Variants in EXOSC7 observed in about 807,000 individuals in gnomAD.
EXOSC7 encodes exosome complex component RRP42.
Under a neutral mutation model 34.3 loss-of-function variants are expected in EXOSC7, and 25 were observed. That is an observed-to-expected ratio of 0.73 (90% confidence interval 0.53 to 1.02). The LOEUF (loss-of-function observed/expected upper bound fraction) is 1.02. Ranked by LOEUF, EXOSC7 falls within the 50% of genes least tolerant of loss-of-function variation. The pLI, the probability that EXOSC7 is intolerant of heterozygous loss-of-function variation, is 0.00. For synonymous variants in EXOSC7, 130 were observed against 143.0 expected, an observed-to-expected ratio of 0.91 and a Z score of 0.65; for missense variants, 370 against 368.5, an observed-to-expected ratio of 1.00 and a Z score of -0.03.
At position 45,001,544 on chromosome 3, in the gene EXOSC7, G is replaced by A; in HGVS notation, c.427G>A (p.Glu143Lys). 5 of 1,612,936 alleles carry A rather than the reference G, an allele frequency of 3.1e-6. No individual in the cohort carries two copies. Among genetic ancestry groups the A allele is most frequent in the Non-Finnish European group, 4.2e-6 (5 of 1,178,986 alleles). ...CAATTCCTGTCTCCCTTAGCTTCTG[G>A]AATGTGGTGGAAATTTGTTTGATGC... ...WVLYVDVLLL[E>K]CGGNLFDAIS... The change falls in exon 5 of 8, where the codon GAA becomes AAA. Residue 143 changes from glutamate (E) to lysine (K), a missense_variant. Glu to Lys is a moderately conservative substitution (Grantham distance 56). Transcript: ENST00000265564.
At chr3:44,993,223 A>C (rs1293346163) in intron 3 of EXOSC7, among the ~76,000 whole-genome samples, 1 of 152,146 alleles carries the variant, frequency 6.6e-6, no homozygotes, top group African/African-American at 2.4e-5. Flanking sequence ...ACCTCAGAAT[A>C]TACTTACTAT....
intron 7 of EXOSC7, among the ~76,000 whole-genome samples, chr3:45,007,821 C>T (rs912627042): frequency 6.6e-6 from 1 of 152,118 alleles, no homozygotes; most frequent in Non-Finnish European, 1.5e-5. Flanking sequence ...TAAGTACCCC[C>T]CATCTCATTT....
At position 45,011,369 on chromosome 3, in the gene EXOSC7, G is replaced by T. The variant is rs759970050; in HGVS notation, c.*30G>T. The T allele has an allele frequency of 1.4e-6, 2 of 1,398,056 alleles. No homozygotes were observed. The highest frequency in any genetic ancestry group is 1.5e-5 in the African/African-American group (1 of 68,504). The allele number at this position is 1,398,056 out of a possible 1,614,324, so 86.6% of individuals were successfully genotyped here. On this transcript the variant is annotated 3_prime_UTR_variant, in exon 8 of 8. Coordinates refer to ENST00000265564, the MANE Select transcript of EXOSC7 (RefSeq NM_015004.4). ...CACATCAACTGCTCAACTGTGGATT[G>T]TTTTTTACTTTTCCTTTTAAACCGG...
intron 1 of EXOSC7, among the ~76,000 whole-genome samples, chr3:44,985,855 G>A (rs1026062299): frequency 2.6e-5 from 4 of 152,088 alleles, no homozygotes; most frequent in East Asian, 3.9e-4. Context: ...TGATTGGTGC[G>A]TTTACAATCC....
intron 4 of EXOSC7, among the ~76,000 whole-genome samples, chr3:44,997,848 C>A (rs956421434): frequency 1.3e-5 from 2 of 152,124 alleles, no homozygotes; most frequent in African/African-American, 4.8e-5. Flanking sequence ...ACGTGCCTGC[C>A]TTTAGTTTCC....
Position 45,002,800 on chromosome 3 carries a change from C to A in EXOSC7, c.491+1192C>A, listed in dbSNP as rs566067899. ...ATGAAAGCTGTAGAGTCCCCCACCC[C>A]TAGCTGTGCCACTAGGCTCCTTGTT... On this transcript the variant is annotated intron_variant, in intron 5 of 7. Transcript: ENST00000265564. 1.7e-4 allele frequency among the ~76,000 whole-genome samples: 26 copies of A among 152,308 alleles called. No individual in the cohort carries two copies. The South Asian group carries it at 5.0e-3, about 29-fold the overall frequency.
In EXOSC7 at chr3:45,011,240, C is replaced by A; in HGVS notation, c.777C>A (p.Gly259=). Residue 259 remains glycine, a synonymous_variant, in exon 8 of 8, where the codon GGC becomes GGA. Transcript: ENST00000265564. ...CTCCCGTCCCTTCTCCACAGACTGG[C>A]AAGCGTGTGGGCAAGGTACTGCATG... ...PESIFEMMET[G]KRVGKVLHAS... is the part of the protein sequence containing the mutation. 1 of 1,609,076 alleles carries A rather than the reference C, an allele frequency of 6.2e-7. No homozygotes were observed. Among genetic ancestry groups the A allele is most frequent in the East Asian group, 2.2e-5 (1 of 44,584 alleles).
At chr3:44,995,274 C>CCAT (rs1372691164) in intron 3 of EXOSC7, among the ~76,000 whole-genome samples, 2 of 152,166 alleles carry the variant, frequency 1.3e-5, no homozygotes, top group Non-Finnish European at 2.9e-5. Flanking sequence ...TGAGCCACCA[C>CCAT]GCCTGGCCAG....
At chr3:45,003,342 C>CGT (rs1706936029) in intron 5 of EXOSC7, among the ~76,000 whole-genome samples, 1 of 80,280 alleles carries the variant, frequency 1.2e-5, no homozygotes, top group South Asian at 7.6e-4. Context: ...TGCGTGCGTG[C>CGT]GTGCGTGCGT....
At chr3:44,996,892 C>T (rs1706735846) in intron 3 of EXOSC7, among the ~76,000 whole-genome samples, 195 bp from the exon 4 acceptor site, 1 of 152,232 alleles carries the variant, frequency 6.6e-6, no homozygotes, top group African/African-American at 2.4e-5. Flanking sequence ...ATCCAGGTCA[C>T]AGTGCTGGTC....
intron 2 of EXOSC7, 141 bp downstream of exon 2, chr3:44,989,382 G>T: frequency 1.2e-6 from 1 of 823,218 alleles, no homozygotes; most frequent in Non-Finnish European, 2.0e-6. Context: ...GGGAGGGGGG[G>T]TCTATCCAGA....
At position 44,986,594 on chromosome 3, in the gene EXOSC7, G is replaced by A. The variant is rs185056142; in HGVS notation, c.58-2546G>A. Among the ~76,000 whole-genome samples the A allele has an allele frequency of 2.4e-4, 37 of 152,352 alleles. No homozygotes were observed. In the East Asian group the frequency reaches 5.8e-3, roughly 24 times the overall value. On this transcript the variant is annotated intron_variant, in intron 1 of 7. Coordinates refer to ENST00000265564, the MANE Select transcript of EXOSC7 (RefSeq NM_015004.4). ...CTCCTCAAGTGCTGCCAAAGTGGGA[G>A]CCCAGGCAGAGGAGGTGCCGAGAGC...
chr3:44,996,247 A>G (rs1278560500), intron 3 of EXOSC7, among the ~76,000 whole-genome samples: 3 of 152,062 alleles, frequency 2.0e-5, no homozygotes, highest in Admixed American at 1.3e-4. Context: ...TAAAATAATT[A>G]CTAGAATGTT....
chr3:44,988,181 T>C (rs1182528463), intron 1 of EXOSC7, among the ~76,000 whole-genome samples: 1 of 152,184 alleles, frequency 6.6e-6, no homozygotes, highest in Non-Finnish European at 1.5e-5. Flanking sequence ...AGAGGATAGA[T>C]ATCTTGTGTT....
At chr3:44,996,125 G>A (rs1430944584) in intron 3 of EXOSC7, among the ~76,000 whole-genome samples, 2 of 152,218 alleles carry the variant, frequency 1.3e-5, no homozygotes, top group East Asian at 3.8e-4. Context: ...AGCTGGTGCA[G>A]GGCTGGGTGC....
At chr3:44,990,664 G>T (rs1576009829) in intron 3 of EXOSC7, among the ~76,000 whole-genome samples, 1 of 152,302 alleles carries the variant, frequency 6.6e-6, no homozygotes, top group East Asian at 1.9e-4. Context: ...TTTCTGCCCA[G>T]GAAAGCCCAT....
chr3:44,994,244 T>C (rs372973057), intron 3 of EXOSC7, among the ~76,000 whole-genome samples: 42 of 118,842 alleles, frequency 3.5e-4, no homozygotes, highest in African/African-American at 1.1e-3. Context: ...ATGCTAAACA[T>C]TAAAAAAAAA....
chr3:44,978,895 G>A (rs1372089095), intron 1 of EXOSC7, among the ~76,000 whole-genome samples: 2 of 152,242 alleles, frequency 1.3e-5, no homozygotes, highest in Non-Finnish European at 2.9e-5. Context: ...GGCATAGCCA[G>A]TGTCTAGCAC....
chr3:45,007,702 A>G, intron 7 of EXOSC7, 127 bp downstream of exon 7: 1 of 1,067,750 alleles, frequency 9.4e-7, no homozygotes, highest in Non-Finnish European at 1.3e-6. Context: ...AGATTTGGGA[A>G]CAGCTGGTTT....
Sources: gnomAD v4.1 joint callset for allele counts (sites outside exome capture counted in the v4.1 genomes callset) on GRCh38, gnomAD v4.1.1 for gene constraint, MANE v1.5 for transcripts, NCBI Gene and HGNC (gene_info 2026-07-23, HGNC 2026-07-21) for gene names.